SCN7A: variants seen among roughly 807,000 people sequenced by gnomAD.
SCN7A encodes sodium voltage-gated channel alpha subunit 7, also known as sodium channel protein type 7 subunit alpha.
Under a neutral mutation model 155.2 loss-of-function variants are expected in SCN7A, and 138 were observed. That is an observed-to-expected ratio of 0.89 (90% CI 0.77 to 1.02). SCN7A has a LOEUF of 1.02. Ranked by LOEUF, SCN7A falls within the 50% of genes least tolerant of loss-of-function variation. The pLI is 0.00. For synonymous variants in SCN7A, 693 were observed against 649.0 expected (o/e 1.07, Z -1.03); for missense variants, 2,058 against 1,986.6 (o/e 1.04, Z -0.68).
intron 18 of SCN7A, among the ~76,000 whole-genome samples, chr2:166,424,565 G>T: frequency 6.6e-6 from 1 of 152,034 alleles, no homozygotes; most frequent in South Asian, 2.1e-4. Context: ...GGCAAGATAC[G>T]TAACTTAGGA....
chr2:166,456,127 T>C (rs1182075046), intron 11 of SCN7A, among the ~76,000 whole-genome samples: 1 of 152,112 alleles, frequency 6.6e-6, no homozygotes, highest in African/African-American at 2.4e-5. Flanking sequence ...AAACACCGCA[T>C]GTTCTCACTC....
chr2:166,431,477 G>C lies in SCN7A; in HGVS notation c.2592+841C>G, dbSNP rs1427225428. On this transcript the variant is annotated intron_variant, in intron 16 of 25. Coordinates refer to ENST00000643258, the MANE Select transcript of SCN7A (RefSeq NM_002976.4). ...TAAAGACACATTCCCCGACCCTCCA[G>C]TGCCCCTGAGTGATCTGAAATGATT... Among the ~76,000 whole-genome samples, 7 of 152,152 alleles carry C rather than the reference G, an allele frequency of 4.6e-5. No individual in the cohort carries two copies. The East Asian group carries it at 1.4e-3, about 29-fold the overall frequency.
chr2:166,414,232 AT>A (rs1701294646), intron 21 of SCN7A, among the ~76,000 whole-genome samples: 2 of 80,210 alleles, frequency 2.5e-5, no homozygotes. Context: ...AAATATATAT[AT>A]CTATATATGT....
At chr2:166,462,154 C>G in intron 10 of SCN7A, 1 of 166,166 alleles carries the variant, frequency 6.0e-6, no homozygotes, top group East Asian at 1.3e-4. Flanking sequence ...CTCCTCTCTT[C>G]TCTCTCTCTC....
intron 3 of SCN7A, among the ~76,000 whole-genome samples, chr2:166,475,619 T>A (rs529501330): frequency 1.3e-5 from 2 of 152,072 alleles, no homozygotes; most frequent in East Asian, 1.9e-4. Context: ...TCTGATTTTT[T>A]AAAATGTGCT....
At chr2:166,449,485 T>C (rs190145236) in intron 11 of SCN7A, among the ~76,000 whole-genome samples, 46 of 152,212 alleles carry the variant, frequency 3.0e-4, no homozygotes, top group African/African-American at 1.1e-3. Flanking sequence ...TTATATTATT[T>C]CACTATCAGT....
At chr2:166,445,632 C>T (rs1702047034) in intron 12 of SCN7A, among the ~76,000 whole-genome samples, 1 of 151,978 alleles carries the variant, frequency 6.6e-6, no homozygotes, top group South Asian at 2.1e-4. Context: ...GCTCCTTAAC[C>T]CACTTCACAT....
chr2:166,430,475 T>C (rs369268880), intron 16 of SCN7A, among the ~76,000 whole-genome samples: 3 of 152,058 alleles, frequency 2.0e-5, no homozygotes, highest in East Asian at 1.9e-4. Context: ...TATTTGACAG[T>C]AATTAAAATT....
At chr2:166,445,373 G>GGAAA (rs1387050073) in intron 12 of SCN7A, among the ~76,000 whole-genome samples, 44 of 146,978 alleles carry the variant, frequency 3.0e-4, no homozygotes, top group African/African-American at 1.1e-3. Flanking sequence ...AAGGAAGGAA[G>GGAAA]AGGGGAGGGA....
intron 20 of SCN7A, among the ~76,000 whole-genome samples, chr2:166,417,477 C>CA (rs1158165916): frequency 6.6e-6 from 1 of 151,714 alleles, no homozygotes; most frequent in East Asian, 1.9e-4. Flanking sequence ...CATCCCCCCA[C>CA]AAAAAAGAAA....
intron 20 of SCN7A, 138 bp from the exon 21 acceptor site, chr2:166,417,123 G>T: frequency 1.5e-6 from 1 of 651,518 alleles, no homozygotes; most frequent in Non-Finnish European, 2.6e-6. Flanking sequence ...AGATTTAACA[G>T]CCCACATGCT....
intron 20 of SCN7A, among the ~76,000 whole-genome samples, chr2:166,419,250 G>T (rs1270095009): frequency 6.6e-6 from 1 of 151,854 alleles, no homozygotes; most frequent in African/African-American, 2.4e-5. Context: ...GGGGGTGTGT[G>T]TGTGTGTGCA....
rs117622594 is a variant in SCN7A, at chr2:166,410,418, T to G, written c.3607-94A>C. 7.2e-3 allele frequency: 5,754 copies of G among 794,128 alleles called. 294 individuals carry two copies. In the East Asian group the frequency reaches 0.12, roughly 17 times the overall value. The allele number at this position is 794,128 out of a possible 1,614,324, so 49.2% of individuals were successfully genotyped here. On this transcript the variant is annotated intron_variant, in intron 23 of 25. Transcript: ENST00000643258. ...TTTTAAAGACTTGGCAATTATTGATTTAATCTTCTAAAAAAAAGGCTTAAG... is the reference window on the plus strand; with the variant it reads ...TTTTAAAGACTTGGCAATTATTGATGTAATCTTCTAAAAAAAAGGCTTAAG...
chr2:166,478,791 A>G (rs1219926721), intron 2 of SCN7A, among the ~76,000 whole-genome samples: 1 of 152,008 alleles, frequency 6.6e-6, no homozygotes, highest in African/African-American at 2.4e-5. Flanking sequence ...TAGTCTTCAC[A>G]TATTTCAACT....
At chr2:166,464,628 T>A (rs533167696) in intron 9 of SCN7A, among the ~76,000 whole-genome samples, 446 of 152,318 alleles carry the variant, frequency 2.9e-3, no homozygotes, top group African/African-American at 0.01. Context: ...AATTTTTTTT[T>A]AAATGGATGT....
intron 24 of SCN7A, 30 bp from the exon 25 acceptor site, chr2:166,409,965 C>G: frequency 6.6e-7 from 1 of 1,506,108 alleles, no homozygotes; most frequent in South Asian, 1.3e-5. Context: ...GTGTAATAGT[C>G]TTATTAATAG....
At chr2:166,426,355 CT>C (rs1186897006) in intron 18 of SCN7A, among the ~76,000 whole-genome samples, 2 of 151,924 alleles carry the variant, frequency 1.3e-5, no homozygotes, top group African/African-American at 4.8e-5. Context: ...GGCAAGCCCC[CT>C]AGCGGGTATT....
Position 166,410,343 on chromosome 2 carries a change from A to G in SCN7A, c.3607-19T>C, listed in dbSNP as rs570163444. 20 of 1,487,332 alleles carry G rather than the reference A, an allele frequency of 1.3e-5. No individual in the cohort carries two copies. The African/African-American group carries it at 2.7e-4, about 20-fold the overall frequency. 92.1% of individuals were successfully genotyped at this position (1,487,332 alleles called of 1,614,324 possible). A position where few individuals can be genotyped will look rare whatever the true frequency, so the allele number is the denominator to read the frequency against. ...CTCCCAGGTAAAGAAAGGAAAGAAAAATATATTAAAATCACACTTAATCCA... is the reference window on the plus strand; with the variant it reads ...CTCCCAGGTAAAGAAAGGAAAGAAAGATATATTAAAATCACACTTAATCCA... On this transcript the variant is annotated intron_variant, in intron 23 of 25. Coordinates refer to ENST00000643258, the MANE Select transcript of SCN7A (RefSeq NM_002976.4).
chr2:166,441,171 T>C (rs116028263), intron 15 of SCN7A: 165 of 450,138 alleles, frequency 3.7e-4, no homozygotes, highest in African/African-American at 2.9e-3. Flanking sequence ...ATAGTTCACA[T>C]CATTTTTTGT....
Sources: allele counts gnomAD v4.1 joint callset (sites outside exome capture counted in the v4.1 genomes callset), GRCh38; gene constraint gnomAD v4.1.1; transcripts MANE v1.5; gene names NCBI Gene and HGNC (gene_info 2026-07-23, HGNC 2026-07-21).